The following ATXN2 variants were observed in gnomAD, a reference collection of about 807,000 sequenced individuals.
ATXN2 encodes ataxin 2, also known as ataxin-2.
A neutral mutation model predicts 138.6 loss-of-function variants in ATXN2; 37 were observed. The observed-to-expected ratio is 0.27, with a 90% confidence interval of 0.21 to 0.35. The LOEUF (loss-of-function observed/expected upper bound fraction) is 0.35, where lower values mean the gene tolerates loss of function less well. Among genes scored for constraint, ATXN2 ranks in the 10% least tolerant of loss-of-function variants. The pLI is 1.00. For missense variants in ATXN2, 1,216 were observed against 1,480.3 expected (o/e 0.82, Z 2.93); for synonymous variants, 549 against 543.7 (o/e 1.01, Z -0.13).
intron 18 of ATXN2, 74 bp from the exon 19 acceptor site, chr12:111,470,816 A>G: frequency 6.7e-7 from 1 of 1,496,792 alleles, no homozygotes. Context: ...ATGGTCTAGG[A>G]GGCTCTGAAT....
chr12:111,475,138 C>T (rs1332791768), intron 18 of ATXN2, among the ~76,000 whole-genome samples: 1 of 151,660 alleles, frequency 6.6e-6, no homozygotes, highest in Non-Finnish European at 1.5e-5. Context: ...GGCATGAACC[C>T]AAGAGGCGGA....
chr12:111,521,770 G>A (rs1231444383), intron 6 of ATXN2, among the ~76,000 whole-genome samples: 1 of 151,872 alleles, frequency 6.6e-6, no homozygotes, highest in African/African-American at 2.4e-5. Context: ...TTTTTTGGTG[G>A]GGGGGAGCCA....
intron 14 of ATXN2, among the ~76,000 whole-genome samples, chr12:111,499,978 T>C (rs182384830): frequency 4.3e-4 from 66 of 152,372 alleles, no homozygotes; most frequent in Admixed American, 7.2e-4. Flanking sequence ...CTGGTAACGA[T>C]GTGGATAAAG....
chr12:111,531,286 G>GC (rs1218153217), intron 5 of ATXN2, among the ~76,000 whole-genome samples: 1 of 152,002 alleles, frequency 6.6e-6, no homozygotes, highest in Non-Finnish European at 1.5e-5. Context: ...GGTGGTACAC[G>GC]CCTATAGTCC....
chr12:111,534,683 T>C (rs112790894), intron 5 of ATXN2, among the ~76,000 whole-genome samples: 3 of 152,218 alleles, frequency 2.0e-5, no homozygotes, highest in African/African-American at 7.2e-5. Context: ...CATGACACCC[T>C]ATGATGTCTT....
chr12:111,574,226 T>A (rs1408698599), intron 1 of ATXN2, among the ~76,000 whole-genome samples: 2 of 139,522 alleles, frequency 1.4e-5, no homozygotes, highest in African/African-American at 2.7e-5. Flanking sequence ...GAGAATGGCG[T>A]GAACCCGAGA....
intron 21 of ATXN2, 113 bp downstream of exon 21, chr12:111,464,549 T>C: frequency 1.3e-6 from 1 of 751,860 alleles, no homozygotes; most frequent in East Asian, 2.6e-5. Flanking sequence ...GTACTTTCAA[T>C]AATTTGACTG....
intron 10 of ATXN2, among the ~76,000 whole-genome samples, chr12:111,514,845 A>G (rs575537077): frequency 2.0e-5 from 3 of 152,332 alleles, no homozygotes; most frequent in Non-Finnish European, 2.9e-5. Context: ...GTTATACACT[A>G]TAATTTTCAA....
At chr12:111,465,496 G>C (rs1399257018) in intron 20 of ATXN2, among the ~76,000 whole-genome samples, 1 of 151,928 alleles carries the variant, frequency 6.6e-6, no homozygotes, top group Non-Finnish European at 1.5e-5. Context: ...GTGAGGCTGG[G>C]CGTGGTGGCT....
intron 20 of ATXN2, among the ~76,000 whole-genome samples, chr12:111,466,602 C>T (rs1179809968): frequency 6.6e-6 from 1 of 152,168 alleles, no homozygotes; most frequent in East Asian, 1.9e-4. Context: ...AAATAATTAT[C>T]CTATTTTATC....
Position 111,598,978 on chromosome 12 carries a change from TTGCTGCTGCTGCTGCTGC to T in ATXN2, c.39_56del (p.Gln23_Gln28del), listed in dbSNP as rs193922927. The stretch of plus-strand genomic sequence containing the variant: ...GCTGCTGCTGCTGCTGCTGCTGCTG[TTGCTGCTGCTGCTGCTGC>T]TGCTGCTGCTGCTGCTGCTGCTGGG... On this transcript the variant is annotated inframe_deletion, in exon 1 of 25. Coordinates refer to ENST00000673436, the MANE Select transcript of ATXN2 (RefSeq NM_001372574.1). The surrounding 1 kb of genome is among the most constrained non-coding windows in gnomAD (Gnocchi z 4.5). 1.7e-5 allele frequency: 22 copies of T among 1,292,912 alleles called. No individual in the cohort carries two copies. Among genetic ancestry groups the T allele is most frequent in the Admixed American group, 7.3e-5 (3 of 41,074 alleles). The allele number at this position is 1,292,912 out of a possible 1,614,324, so 80.1% of individuals were successfully genotyped here. A position where few individuals can be genotyped will look rare whatever the true frequency, so the allele number is the denominator to read the frequency against.
chr12:111,585,169 T>C (rs1172937867), intron 1 of ATXN2, among the ~76,000 whole-genome samples: 1 of 152,154 alleles, frequency 6.6e-6, no homozygotes, highest in Non-Finnish European at 1.5e-5. Flanking sequence ...CACTGTGCTA[T>C]AAAACAGTAA....
chr12:111,457,332 T>C lies in ATXN2; in HGVS notation c.2924A>G (p.Tyr975Cys). The C allele has an allele frequency of 6.2e-7, 1 of 1,613,346 alleles. No homozygotes were observed. The highest frequency in any genetic ancestry group is 8.5e-7 in the Non-Finnish European group (1 of 1,179,736). The change falls in exon 22 of 25, where the codon TAT becomes TGT. Residue 975 changes from tyrosine (Y) to cysteine (C), a missense_variant. Tyr to Cys is a radical substitution (Grantham distance 194, BLOSUM62 -2). This residue lies in a region of ATXN2 where 490 missense variants were observed against 653.5 expected (regional missense o/e 0.75). Coordinates refer to ENST00000673436, the MANE Select transcript of ATXN2 (RefSeq NM_001372574.1). ...GTGCAGGGTAGCGTTAGGGTGCGCATACTGCTGAGCAAGGGAGCCCGTGGA... is the reference window on the plus strand; with the variant it reads ...GTGCAGGGTAGCGTTAGGGTGCGCACACTGCTGAGCAAGGGAGCCCGTGGA... Reference protein sequence around the residue: ...AISTGSLAQQYAHPNATLHPH... With the variant: ...AISTGSLAQQCAHPNATLHPH...
chr12:111,508,725 G>A (rs2135727504), intron 14 of ATXN2, among the ~76,000 whole-genome samples: 1 of 152,170 alleles, frequency 6.6e-6, no homozygotes, highest in East Asian at 1.9e-4. Flanking sequence ...AGGATTACAG[G>A]TGTGAGCCAC....
intron 18 of ATXN2, among the ~76,000 whole-genome samples, chr12:111,484,913 G>A (rs529143214): frequency 6.6e-6 from 1 of 152,114 alleles, no homozygotes; most frequent in East Asian, 1.9e-4. Flanking sequence ...TTGAATTTTA[G>A]TAGAGACAAA....
rs1055241880 is a variant in ATXN2 at position 111,598,116 on chromosome 12, C to T, written c.251+668G>A. On this transcript the variant is annotated intron_variant, in intron 1 of 24. Transcript: ENST00000673436. This position sits in a 1 kb window ranked among gnomAD's most constrained non-coding sequence, Gnocchi z 4.5. ...GGAGCCCCACGATTTCAGGGGAGTT[C>T]GGGAGCCCCCGCCGCCGCCTCGGAC... is the stretch of plus-strand genomic sequence containing the variant. 9 of 1,104,478 alleles carry T rather than the reference C, an allele frequency of 8.1e-6. No homozygotes were observed. The highest frequency in any genetic ancestry group is 1.6e-5 in the African/African-American group (1 of 61,002). The allele number at this position is 1,104,478 out of a possible 1,614,324, so 68.4% of individuals were successfully genotyped here.
Position 111,516,513 on chromosome 12 carries a change from G to C in ATXN2, c.1166-150C>G. On this transcript the variant is annotated intron_variant, in intron 9 of 24. Transcript: ENST00000673436. This position sits in a 1 kb window ranked among gnomAD's most constrained non-coding sequence, Gnocchi z 5.0. ...GTCATTTGATTTGTGATAAGTTTTAGCATAACTTAACTGACATAAATTCAC... is the reference window on the plus strand; with the variant it reads ...GTCATTTGATTTGTGATAAGTTTTACCATAACTTAACTGACATAAATTCAC... The C allele has an allele frequency of 5.1e-6, 4 of 784,858 alleles. No individual in the cohort carries two copies. Among genetic ancestry groups the C allele is most frequent in the Non-Finnish European group, 6.0e-6 (3 of 503,842 alleles). 48.6% of individuals were successfully genotyped at this position (784,858 alleles called of 1,614,324 possible).
intron 1 of ATXN2, among the ~76,000 whole-genome samples, chr12:111,591,364 T>TTAAAAATAAAAA (rs149062199): frequency 1.3e-5 from 2 of 151,714 alleles, no homozygotes; most frequent in African/African-American, 4.9e-5. Flanking sequence ...AACTTAAAAT[T>TTAAAAATAAAAA]TAAAAATAAA....
intron 5 of ATXN2, among the ~76,000 whole-genome samples, chr12:111,531,314 G>A (rs1367143722): frequency 2.0e-5 from 3 of 152,198 alleles, no homozygotes; most frequent in African/African-American, 4.8e-5. Context: ...TCGGGAGGCT[G>A]AGGCAGGCGA....
Sources: allele counts gnomAD v4.1 joint callset (sites outside exome capture counted in the v4.1 genomes callset), GRCh38; gene constraint gnomAD v4.1.1; regional missense constraint gnomAD v4.1.1; non-coding constraint Gnocchi (gnomAD v3.1); transcripts MANE v1.5; gene names NCBI Gene and HGNC (gene_info 2026-07-23, HGNC 2026-07-21).